Variants in JMJD1C observed in about 807,000 individuals in gnomAD.
JMJD1C encodes jumonji domain containing 1C, also known as jumonji domain-containing protein 1C.
Under a neutral mutation model 245.3 loss-of-function variants are expected in JMJD1C, and 31 were observed. The ratio of observed to expected loss-of-function variants is 0.13; its 90% confidence interval spans 0.09 to 0.17. The LOEUF (loss-of-function observed/expected upper bound fraction) is 0.17. Ranked by LOEUF, JMJD1C falls within the 10% of genes least tolerant of loss-of-function variation. JMJD1C has a pLI of 1.00. For synonymous variants in JMJD1C, 1,057 were observed against 1,017.4 expected (o/e 1.04, Z -0.74); for missense variants, 2,691 against 3,000.2 (o/e 0.90, Z 2.41).
chr10:63,168,156 C>T, intron 25 of JMJD1C, 22 bp from the exon 26 acceptor site: 1 of 1,457,676 alleles, frequency 6.9e-7, no homozygotes, highest in Non-Finnish European at 9.6e-7. Context: ...GTTGATATTT[C>T]TAATCACTTC....
chr10:63,481,800 G>A (rs1044024899), intron 1 of JMJD1C, among the ~76,000 whole-genome samples: 10 of 152,134 alleles, frequency 6.6e-5, no homozygotes, highest in African/African-American at 2.4e-4. Context: ...CACACAGGGA[G>A]GAAGAGACAA....
intron 1 of JMJD1C, among the ~76,000 whole-genome samples, chr10:63,481,979 G>A (rs1953844764): frequency 6.6e-6 from 1 of 152,154 alleles, no homozygotes; most frequent in Non-Finnish European, 1.5e-5. Context: ...TCACTGTACA[G>A]TACATTCCAA....
At position 63,184,811 on chromosome 10, in the gene JMJD1C, C is replaced by G. The variant is rs1843922829; in HGVS notation, c.6831-73G>C. Reference sequence around the variant, plus strand: ...TAAGTATTTTCACATATATAATTTTCAAGTTGTTCAAAACAGCAGACTACC... The same window carrying G: ...TAAGTATTTTCACATATATAATTTTGAAGTTGTTCAAAACAGCAGACTACC... On this transcript the variant is annotated intron_variant, in intron 20 of 25. Coordinates refer to ENST00000399262, the MANE Select transcript of JMJD1C (RefSeq NM_032776.3). The G allele has an allele frequency of 2.1e-6, 3 of 1,415,500 alleles. No homozygotes were observed. The South Asian group carries it at 4.1e-5, about 19-fold the overall frequency. 87.7% of individuals were successfully genotyped at this position (1,415,500 alleles called of 1,614,324 possible).
intron 2 of JMJD1C, chr10:63,380,105 A>ATTTTTT: frequency 3.0e-6 from 1 of 331,774 alleles, no homozygotes; most frequent in Non-Finnish European, 5.4e-6. Context: ...ACATCCAGCT[A>ATTTTTT]TTTTTTTTTT....
intron 3 of JMJD1C, among the ~76,000 whole-genome samples, chr10:63,262,078 C>T (rs1854837979): frequency 6.6e-6 from 1 of 152,058 alleles, no homozygotes; most frequent in Admixed American, 6.6e-5. Context: ...AAGAAATAAG[C>T]TCAATTAAAA....
At chr10:63,326,161 T>C (rs1056779061) in intron 2 of JMJD1C, among the ~76,000 whole-genome samples, 4 of 152,050 alleles carry the variant, frequency 2.6e-5, no homozygotes, top group Admixed American at 1.3e-4. Flanking sequence ...AGCGTAACAA[T>C]TTCTGAGAAG....
At chr10:63,329,675 T>C (rs1190597628) in intron 2 of JMJD1C, among the ~76,000 whole-genome samples, 3 of 152,222 alleles carry the variant, frequency 2.0e-5, no homozygotes, top group Non-Finnish European at 2.9e-5. Context: ...CTTTCTGACA[T>C]TGCAAAAGCA....
At chr10:63,502,624 G>A (rs921110023) in intron 1 of JMJD1C, among the ~76,000 whole-genome samples, 10 of 119,694 alleles carry the variant, frequency 8.4e-5, no homozygotes, top group South Asian at 3.0e-4. Flanking sequence ...GTGACAGAGC[G>A]AGACTTTGTC....
rs142003956 is a variant in JMJD1C at position 63,416,879 on chromosome 10, T to C, written c.169-36397A>G. 6.8e-4 allele frequency among the ~76,000 whole-genome samples: 104 copies of C among 152,282 alleles called. 1 individual carries two copies. Among genetic ancestry groups the C allele is most frequent in the African/African-American group, 2.4e-3 (101 of 41,568 alleles). On this transcript the variant is annotated intron_variant, in intron 1 of 25. Transcript: ENST00000399262. Reference sequence around the variant, plus strand: ...AAAAACTAAACAATTGATTTTTCAATTTCACACTGCAAAAAGTGCTGCATG... The same window carrying C: ...AAAAACTAAACAATTGATTTTTCAACTTCACACTGCAAAAAGTGCTGCATG...
chr10:63,410,216 C>T (rs750724310), intron 1 of JMJD1C, among the ~76,000 whole-genome samples: 2 of 152,084 alleles, frequency 1.3e-5, no homozygotes, highest in African/African-American at 2.4e-5. Context: ...TGACATATAA[C>T]ATATTATTTC....
At chr10:63,482,451 C>T (rs1953858755) in intron 1 of JMJD1C, among the ~76,000 whole-genome samples, 1 of 152,074 alleles carries the variant, frequency 6.6e-6, no homozygotes, top group African/African-American at 2.4e-5. Flanking sequence ...GCCTGGACAA[C>T]ATGGCGAAAC....
intron 1 of JMJD1C, among the ~76,000 whole-genome samples, chr10:63,498,931 T>C (rs1414585757): frequency 6.6e-6 from 1 of 152,218 alleles, no homozygotes; most frequent in Non-Finnish European, 1.5e-5. Context: ...TCTGCTACTA[T>C]GACTTTGATT....
chr10:63,348,921 T>G (rs1481457945), intron 2 of JMJD1C, among the ~76,000 whole-genome samples: 3 of 151,642 alleles, frequency 2.0e-5, no homozygotes, highest in Non-Finnish European at 4.4e-5. Context: ...GCCAACATGG[T>G]GAAACCCCGT....
chr10:63,309,990 T>G (rs909253846), intron 2 of JMJD1C, among the ~76,000 whole-genome samples: 1 of 152,142 alleles, frequency 6.6e-6, no homozygotes, highest in Non-Finnish European at 1.5e-5. Context: ...GGACAAAAGA[T>G]CACGTCACAA....
intron 2 of JMJD1C, among the ~76,000 whole-genome samples, chr10:63,354,265 T>C (rs1474396434): frequency 6.6e-6 from 1 of 152,230 alleles, no homozygotes; most frequent in Non-Finnish European, 1.5e-5. Context: ...AATTAACAAC[T>C]CTCTTATCAC....
At chr10:63,228,554 A>C (rs548550780) in intron 3 of JMJD1C, among the ~76,000 whole-genome samples, 1 of 152,288 alleles carries the variant, frequency 6.6e-6, no homozygotes, top group African/African-American at 2.4e-5. Flanking sequence ...TAAAAACAAG[A>C]AGCAGGCTGG....
intron 7 of JMJD1C, 48 bp downstream of exon 7, chr10:63,215,215 T>C: frequency 6.5e-7 from 1 of 1,541,774 alleles, no homozygotes; most frequent in South Asian, 1.2e-5. Flanking sequence ...TAAAATGTAT[T>C]TTTGTTTTAT....
chr10:63,262,662 C>G (rs542126672), intron 3 of JMJD1C, among the ~76,000 whole-genome samples: 1 of 152,290 alleles, frequency 6.6e-6, no homozygotes, highest in East Asian at 1.9e-4. Flanking sequence ...CACTTCACTT[C>G]TGGAAGATAT....
At chr10:63,325,101 C>G (rs1345650427) in intron 2 of JMJD1C, among the ~76,000 whole-genome samples, 2 of 152,150 alleles carry the variant, frequency 1.3e-5, no homozygotes, top group Non-Finnish European at 2.9e-5. Context: ...TAGGGACAAA[C>G]TTAGTAATCA....
Sources: gnomAD v4.1 joint callset for allele counts (sites outside exome capture counted in the v4.1 genomes callset) on GRCh38, gnomAD v4.1.1 for gene constraint, MANE v1.5 for transcripts, NCBI Gene and HGNC (gene_info 2026-07-23, HGNC 2026-07-21) for gene names.